The following TCP11L1 variants were observed in gnomAD, a reference collection of about 807,000 sequenced individuals.
TCP11L1 encodes the protein t-complex 11 like 1.
TCP11L1 carries 28 observed loss-of-function variants against 48.9 expected under a neutral mutation model. The observed-to-expected ratio is 0.57, with a 90% CI of 0.42 to 0.78. The LOEUF is 0.78. Ranked by LOEUF, TCP11L1 falls within the 30% of genes least tolerant of loss-of-function variation. TCP11L1 has a pLI of 0.00. For missense variants in TCP11L1, 505 were observed against 613.4 expected (o/e 0.82, Z 1.87); for synonymous variants, 204 against 231.9 (o/e 0.88, Z 1.09).
chr11:33,062,846 G>T (rs986825820), intron 7 of TCP11L1, among the ~76,000 whole-genome samples: 2 of 152,212 alleles, frequency 1.3e-5, no homozygotes, highest in East Asian at 1.9e-4. Flanking sequence ...GTATGTGTCA[G>T]TGTTCCCTTT....
At chr11:33,065,771 G>T in intron 7 of TCP11L1, 59 bp from the exon 8 acceptor site, 1 of 1,569,646 alleles carries the variant, frequency 6.4e-7, no homozygotes. Flanking sequence ...TGGCGCTCCC[G>T]CCCTCTGCTG....
rs768838667 is a variant in TCP11L1 at position 33,065,920 on chromosome 11, A to G, written c.1063A>G (p.Ser355Gly). ...GGGGGCTGTGTTGCTGGTCACCTTC[A>G]GCATGGCAGCGCCAGGAATTTCCAG... ...ILGAVLLVTF[S>G]MAAPGISSQA... The change falls in exon 8 of 10, where the codon AGC (serine) becomes GGC (glycine). Residue 355 changes from serine (S) to glycine (G), a missense_variant. This residue lies in a region of TCP11L1 where 335 missense variants were observed against 413.3 expected (regional missense o/e 0.81). Coordinates refer to ENST00000334274, the MANE Select transcript of TCP11L1 (RefSeq NM_018393.4). The G allele has an allele frequency of 4.5e-5, 72 of 1,614,110 alleles. No homozygotes were observed. Among genetic ancestry groups the G allele is most frequent in the Non-Finnish European group, 5.8e-5 (69 of 1,180,026 alleles).
At position 33,058,185 on chromosome 11, in the gene TCP11L1, G is replaced by T. The variant is rs773286138; in HGVS notation, c.638+46G>T. On this transcript the variant is annotated intron_variant, in intron 5 of 9. Transcript: ENST00000334274. ...TACTCCGTGCAACTACAATTCAGAGGCATTTTCTTTTTTTTCTTTTCTTTT... is the reference window on the plus strand; with the variant it reads ...TACTCCGTGCAACTACAATTCAGAGTCATTTTCTTTTTTTTCTTTTCTTTT... The T allele has an allele frequency of 1.9e-5, 28 of 1,502,826 alleles. No individual in the cohort carries two copies. The South Asian group carries it at 3.4e-4, about 18-fold the overall frequency. 93.1% of individuals were successfully genotyped at this position (1,502,826 alleles called of 1,614,324 possible). A position where few individuals can be genotyped will look rare whatever the true frequency, so the allele number is the denominator to read the frequency against.
At chr11:33,064,685 T>C (rs1313361240) in intron 7 of TCP11L1, among the ~76,000 whole-genome samples, 1 of 152,264 alleles carries the variant, frequency 6.6e-6, no homozygotes, top group East Asian at 1.9e-4. Flanking sequence ...TCGCCAGTTC[T>C]TACAAGCTTC....
chr11:33,073,332 A>T lies in TCP11L1; in HGVS notation c.*656A>T, dbSNP rs947223520. The T allele has an allele frequency of 2.0e-5, 3 of 152,212 alleles. No individual in the cohort carries two copies. The highest frequency in any genetic ancestry group is 4.4e-5 in the Non-Finnish European group (3 of 68,112). 9.4% of individuals were successfully genotyped at this position (152,212 alleles called of 1,614,324 possible). On this transcript the variant is annotated 3_prime_UTR_variant, in exon 10 of 10. Coordinates refer to ENST00000334274, the MANE Select transcript of TCP11L1 (RefSeq NM_018393.4). ...AAGATACAGTTATTGGACTTTAAAAAGCTTGTTCTTTTATACAAAATTACT... is the reference window on the plus strand; with the variant it reads ...AAGATACAGTTATTGGACTTTAAAATGCTTGTTCTTTTATACAAAATTACT...
chr11:33,051,455 G>C (rs779584366), intron 2 of TCP11L1, among the ~76,000 whole-genome samples: 1 of 152,102 alleles, frequency 6.6e-6, no homozygotes, highest in Non-Finnish European at 1.5e-5. Flanking sequence ...GCGTGATAGA[G>C]TAATTCTTTT....
intron 7 of TCP11L1, 86 bp downstream of exon 7, chr11:33,061,812 G>A: frequency 7.4e-7 from 1 of 1,354,984 alleles, no homozygotes; most frequent in Non-Finnish European, 9.8e-7. Context: ...CAGGCACGGT[G>A]GCTCACTCCT....
At chr11:33,048,799 CACTG>C (rs768677847) in intron 2 of TCP11L1, among the ~76,000 whole-genome samples, 31 of 152,136 alleles carry the variant, frequency 2.0e-4, no homozygotes, top group Non-Finnish European at 3.8e-4. Flanking sequence ...TATGGAGAAA[CACTG>C]ACCCTGCAAG....
chr11:33,070,046 A>G (rs1251710971), intron 9 of TCP11L1, among the ~76,000 whole-genome samples: 1 of 152,018 alleles, frequency 6.6e-6, no homozygotes, highest in Non-Finnish European at 1.5e-5. Context: ...CCAGCCCTTA[A>G]GGGGAGGATC....
At chr11:33,068,579 C>T (rs1854686075) in intron 8 of TCP11L1, 108 bp from the exon 9 acceptor site, 3 of 1,372,654 alleles carry the variant, frequency 2.2e-6, no homozygotes, top group East Asian at 2.3e-5. Context: ...GTCCCTTGAA[C>T]ACACAAATCC....
At chr11:33,066,583 C>T (rs762359433) in intron 8 of TCP11L1, among the ~76,000 whole-genome samples, 17 of 151,962 alleles carry the variant, frequency 1.1e-4, no homozygotes, top group Non-Finnish European at 5.9e-5. Flanking sequence ...ATGCTCCTCC[C>T]GGGGCCTGGC....
At chr11:33,072,429 A>AG (rs1371288790) in intron 9 of TCP11L1, 45 bp from the exon 10 acceptor site, 2 of 1,602,958 alleles carry the variant, frequency 1.2e-6, no homozygotes, top group African/African-American at 2.7e-5. Flanking sequence ...AAGGTTTGTA[A>AG]GGTGAAGGAC....
At chr11:33,055,908 C>T (rs536342331) in intron 3 of TCP11L1, among the ~76,000 whole-genome samples, 2 of 152,254 alleles carry the variant, frequency 1.3e-5, no homozygotes, top group Admixed American at 1.3e-4. Context: ...ACCTCTGCTT[C>T]CCAGGTTCAA....
In TCP11L1 at chr11:33,057,972, A is replaced by C. The variant is rs759980735; in HGVS notation, c.471A>C (p.Thr157=). ...PGHTRLRNQI[T]EVLDLDLIKQ... is the part of the protein sequence containing the mutation. ...ATACTAGACTGAGAAACCAGATAAC[A>C]GAAGTCTTGGATCTGGATCTGATAA... The change falls in exon 5 of 10, where the codon ACA becomes ACC. Residue 157 remains threonine, a synonymous_variant. Coordinates refer to ENST00000334274, the MANE Select transcript of TCP11L1 (RefSeq NM_018393.4). 3.1e-6 allele frequency: 5 copies of C among 1,614,056 alleles called. No homozygotes were observed. Among genetic ancestry groups the C allele is most frequent in the Non-Finnish European group, 4.2e-6 (5 of 1,180,038 alleles).
At chr11:33,046,244 T>A (rs1317604501) in intron 2 of TCP11L1, among the ~76,000 whole-genome samples, 1 of 152,282 alleles carries the variant, frequency 6.6e-6, no homozygotes, top group Non-Finnish European at 1.5e-5. Flanking sequence ...ATGCAAGCCC[T>A]GCTTTAGCTT....
At chr11:33,051,838 G>A (rs7114593) in intron 2 of TCP11L1, among the ~76,000 whole-genome samples, 1 of 151,780 alleles carries the variant, frequency 6.6e-6, no homozygotes, top group South Asian at 2.1e-4. Context: ...ATCCTTATGG[G>A]AAAAATACAC....
intron 3 of TCP11L1, among the ~76,000 whole-genome samples, chr11:33,056,908 C>T (rs549732778): frequency 2.6e-5 from 4 of 152,302 alleles, no homozygotes; most frequent in Admixed American, 2.6e-4. Flanking sequence ...GAGAGCGATT[C>T]TTTCCAATGA....
chr11:33,053,136 A>G (rs1854211698), intron 2 of TCP11L1, among the ~76,000 whole-genome samples: 1 of 147,306 alleles, frequency 6.8e-6, no homozygotes, highest in African/African-American at 2.5e-5. Flanking sequence ...GAGAATTGCT[A>G]TCAGAGACTT....
chr11:33,047,959 C>T (rs1392738345), intron 2 of TCP11L1, among the ~76,000 whole-genome samples: 3 of 152,132 alleles, frequency 2.0e-5, no homozygotes, highest in Non-Finnish European at 4.4e-5. Context: ...CATCTCAGGA[C>T]ACCTTAGTAA....
Sources: gnomAD v4.1 joint callset for allele counts (sites outside exome capture counted in the v4.1 genomes callset) on GRCh38, gnomAD v4.1.1 for gene constraint, gnomAD v4.1.1 regional missense constraint, MANE v1.5 for transcripts, NCBI Gene and HGNC (gene_info 2026-07-23, HGNC 2026-07-21) for gene names.